SLC26A5: variants seen among roughly 807,000 people sequenced by gnomAD.
SLC26A5 encodes prestin.
In SLC26A5, 51 loss-of-function variants were observed where a neutral mutation model predicts 81.0. The observed-to-expected ratio is 0.63, with a 90% CI of 0.50 to 0.80. The LOEUF (loss-of-function observed/expected upper bound fraction) is 0.80. Among genes scored for constraint, SLC26A5 ranks in the 30% least tolerant of loss-of-function variants. The pLI is 0.00. For synonymous variants in SLC26A5, 325 were observed against 332.8 expected, an observed-to-expected ratio of 0.98 and a Z score of 0.25; for missense variants, 771 against 905.8, an observed-to-expected ratio of 0.85 and a Z score of 1.91.
Position 103,421,525 on chromosome 7 carries a change from A to C in SLC26A5, c.-11T>G. 6.2e-7 allele frequency: 1 copy of C among 1,613,810 alleles called. No individual in the cohort carries two copies. Among genetic ancestry groups the C allele is most frequent in the Non-Finnish European group, 8.5e-7 (1 of 1,179,798 alleles). On this transcript the variant is annotated 5_prime_UTR_variant, in exon 3 of 20. The change creates a new upstream start codon in the 5' untranslated region. Transcript: ENST00000306312. ...TTCAGCATGATCCATAGTACTCTGA[A>C]ATTATTCCTTAACAGCCGGAGACAA...
At chr7:103,380,694 C>A in intron 14 of SLC26A5, 145 bp from the exon 15 acceptor site, 4 of 722,304 alleles carry the variant, frequency 5.5e-6, no homozygotes. Flanking sequence ...CAGAAGGGCT[C>A]CACACATATC....
intron 8 of SLC26A5, among the ~76,000 whole-genome samples, chr7:103,401,300 G>C (rs188783806): frequency 6.6e-6 from 1 of 152,090 alleles, no homozygotes; most frequent in Non-Finnish European, 1.5e-5. Flanking sequence ...CTTATAAGTT[G>C]TATTCATAGA....
At chr7:103,362,644 G>A (rs763840161) in intron 19 of SLC26A5, 17 of 1,543,458 alleles carry the variant, frequency 1.1e-5, no homozygotes, top group Non-Finnish European at 1.4e-5. Flanking sequence ...CACTTTGAAA[G>A]CTTAAAGAAT....
rs1254672000 is a variant in SLC26A5 at position 103,411,551 on chromosome 7, C to T, written c.439G>A (p.Val147Ile). The change falls in exon 6 of 20, where the codon GTA becomes ATA. Residue 147 changes from valine (V) to isoleucine (I), a missense_variant. Val to Ile is a conservative substitution (Grantham distance 29, BLOSUM62 3). Transcript: ENST00000306312. ...FAVISLMIGG[V>I]AVRLVPDDIV... ...TCATCTGGTACTAATCGAACAGCTACACCACCAATCATCAGGCTAATAACA... is the reference window on the plus strand; with the variant it reads ...TCATCTGGTACTAATCGAACAGCTATACCACCAATCATCAGGCTAATAACA... The T allele has an allele frequency of 1.2e-6, 2 of 1,614,072 alleles. No homozygotes were observed. The highest frequency in any genetic ancestry group is 1.7e-5 in the Admixed American group (1 of 60,006).
At position 103,374,564 on chromosome 7, in the gene SLC26A5, A is replaced by C; in HGVS notation, c.2070T>G (p.Asn690Lys). The C allele has an allele frequency of 6.2e-7, 1 of 1,614,114 alleles. No homozygotes were observed. Among genetic ancestry groups the C allele is most frequent in the East Asian group, 2.2e-5 (1 of 44,880 alleles). ...SAQVVNDLTRNRFFENPALWE... is the reference protein window; with the variant it reads ...SAQVVNDLTRKRFFENPALWE... The stretch of plus-strand genomic sequence containing the variant: ...ATAGGGCAGGATTTTCAAAAAATCT[A>C]TTCCGAGTGAGGTCATTCACAACTT... Residue 690 changes from asparagine (N) to lysine (K), a missense_variant, in exon 20 of 20, where the codon AAT becomes AAG. By Grantham distance (94) the Asn-to-Lys change is moderately conservative. Transcript: ENST00000306312.
intron 2 of SLC26A5, among the ~76,000 whole-genome samples, chr7:103,425,342 T>C (rs1825641822): frequency 2.0e-5 from 3 of 152,158 alleles, no homozygotes; most frequent in Admixed American, 2.0e-4. Context: ...AAAACACTAA[T>C]GCTTAGGATC....
intron 2 of SLC26A5, among the ~76,000 whole-genome samples, chr7:103,433,766 G>A (rs1463792677): frequency 3.5e-5 from 5 of 144,840 alleles, no homozygotes; most frequent in South Asian, 4.4e-4. Flanking sequence ...GCAGTGATGC[G>A]ATCTGGGCTC....
chr7:103,415,232 C>A (rs1824811979), intron 4 of SLC26A5, among the ~76,000 whole-genome samples: 1 of 152,152 alleles, frequency 6.6e-6, no homozygotes, highest in Non-Finnish European at 1.5e-5. Context: ...AAATTTATTT[C>A]TAGCAAAGAA....
chr7:103,378,619 C>T, intron 16 of SLC26A5, 66 bp from the exon 17 acceptor site: 1 of 1,359,474 alleles, frequency 7.4e-7, no homozygotes, highest in Non-Finnish European at 1.1e-6. Flanking sequence ...CAATGCCACT[C>T]CCCTTCAAAT....
In SLC26A5 at chr7:103,420,733, C is replaced by T. The variant is rs146342069; in HGVS notation, c.292+5G>A. The T allele has an allele frequency of 1.2e-6, 2 of 1,613,974 alleles. No individual in the cohort carries two copies. Among genetic ancestry groups the T allele is most frequent in the African/African-American group, 1.3e-5 (1 of 74,992 alleles). ...AAGGGGGGAAAGAAAGAAAGATCTA[C>T]TGACCTTGAGGAAGCTGAAGCACCC... On this transcript the variant is annotated splice_donor_5th_base_variant and intron_variant, in intron 4 of 19. Coordinates refer to ENST00000306312, the MANE Select transcript of SLC26A5 (RefSeq NM_198999.3).
rs930672174 is a variant in SLC26A5, at chr7:103,397,835, A to G, written c.971+97T>C. 3.2e-6 allele frequency: 3 copies of G among 931,630 alleles called. No individual in the cohort carries two copies. In the African/African-American group the frequency reaches 4.9e-5, roughly 15 times the overall value. The allele number at this position is 931,630 out of a possible 1,614,324, so 57.7% of individuals were successfully genotyped here. A position where few individuals can be genotyped will look rare whatever the true frequency, so the allele number is the denominator to read the frequency against. ...CTCAGCTATTTGATGTATAGAAAAA[A>G]GATTATTTTTCATTGCAAGAGAACT... On this transcript the variant is annotated intron_variant, in intron 9 of 19. Transcript: ENST00000306312.
chr7:103,385,697 CTTTTCTTTT>C (rs1327086601), intron 14 of SLC26A5, among the ~76,000 whole-genome samples: 3 of 146,992 alleles, frequency 2.0e-5, no homozygotes, highest in African/African-American at 7.7e-5. Flanking sequence ...TTTTTCTTTT[CTTTTCTTTT>C]TTTTTTTTTT....
At chr7:103,411,755 T>C (rs1240687037) in intron 5 of SLC26A5, among the ~76,000 whole-genome samples, 169 bp from the exon 6 acceptor site, 1 of 152,166 alleles carries the variant, frequency 6.6e-6, no homozygotes, top group Non-Finnish European at 1.5e-5. Context: ...TGTGTGTGCG[T>C]GTGTGCGCAT....
intron 19 of SLC26A5, among the ~76,000 whole-genome samples, chr7:103,364,757 G>A (rs1348237861): frequency 1.3e-5 from 2 of 151,924 alleles, no homozygotes; most frequent in African/African-American, 4.8e-5. Flanking sequence ...AGCTGCCTTT[G>A]TGGTCATTTG....
intron 19 of SLC26A5, chr7:103,368,241 G>C: frequency 1.6e-6 from 1 of 623,140 alleles, no homozygotes; most frequent in East Asian, 3.1e-5. Flanking sequence ...AATATATTTT[G>C]ACTATTTTTT....
At chr7:103,431,738 G>C (rs7783340) in intron 2 of SLC26A5, among the ~76,000 whole-genome samples, 2 of 152,190 alleles carry the variant, frequency 1.3e-5, no homozygotes, top group Non-Finnish European at 2.9e-5. Flanking sequence ...ATTTGTATGA[G>C]ATAGTTCTGT....
At chr7:103,366,182 A>G in intron 19 of SLC26A5, 1 of 1,579,722 alleles carries the variant, frequency 6.3e-7, no homozygotes, top group African/African-American at 1.3e-5. Context: ...GATACGTTAG[A>G]GAACTGCTTT....
chr7:103,414,103 A>C (rs1421333559), intron 4 of SLC26A5, among the ~76,000 whole-genome samples: 1 of 151,978 alleles, frequency 6.6e-6, no homozygotes, highest in Non-Finnish European at 1.5e-5. Flanking sequence ...CACTGCTCAG[A>C]AATTCTCTGT....
At chr7:103,397,734 G>T (rs572439180) in intron 9 of SLC26A5, among the ~76,000 whole-genome samples, 198 bp downstream of exon 9, 1 of 148,166 alleles carries the variant, frequency 6.7e-6, no homozygotes, top group Admixed American at 6.7e-5. Context: ...AAAAAAAAAG[G>T]TTAAGACAAA....
Sources: gnomAD v4.1 joint callset for allele counts (sites outside exome capture counted in the v4.1 genomes callset) on GRCh38, gnomAD v4.1.1 for gene constraint, MANE v1.5 for transcripts, NCBI Gene and HGNC (gene_info 2026-07-23, HGNC 2026-07-21) for gene names.